ZMAT4: variants seen among roughly 807,000 people sequenced by gnomAD.
ZMAT4 encodes the protein zinc finger matrin-type 4.
Under a neutral mutation model 28.7 loss-of-function variants are expected in ZMAT4, and 17 were observed. The ratio of observed to expected loss-of-function variants is 0.59; its 90% confidence interval spans 0.41 to 0.89. ZMAT4 has a LOEUF of 0.89. Ranked by LOEUF, ZMAT4 falls within the 40% of genes least tolerant of loss-of-function variation. ZMAT4 has a pLI of 0.00. For missense variants in ZMAT4, 240 were observed against 283.8 expected (o/e 0.85, Z 1.11); for synonymous variants, 117 against 109.2 (o/e 1.07, Z -0.44).
intron 5 of ZMAT4, among the ~76,000 whole-genome samples, chr8:40,587,953 T>C (rs1401312710): frequency 2.2e-4 from 33 of 151,996 alleles, no homozygotes; most frequent in Admixed American, 2.2e-3. Flanking sequence ...GAAGTGTCTG[T>C]ATTAATATTA....
intron 5 of ZMAT4, among the ~76,000 whole-genome samples, chr8:40,592,827 A>G (rs888872756): frequency 6.6e-6 from 1 of 152,230 alleles, no homozygotes; most frequent in East Asian, 1.9e-4. Flanking sequence ...ACATTTGAGC[A>G]AATCATCTTC....
intron 3 of ZMAT4, among the ~76,000 whole-genome samples, chr8:40,758,462 G>A (rs750185655): frequency 6.6e-5 from 10 of 152,118 alleles, no homozygotes; most frequent in Non-Finnish European, 1.3e-4. Context: ...AACAATTCCT[G>A]TGTTGACGTA....
intron 6 of ZMAT4, among the ~76,000 whole-genome samples, chr8:40,535,385 C>T (rs1444794973): frequency 6.6e-6 from 1 of 151,982 alleles, no homozygotes; most frequent in Non-Finnish European, 1.5e-5. Flanking sequence ...AATGGTCTCA[C>T]CTTGGCCAGG....
intron 2 of ZMAT4, among the ~76,000 whole-genome samples, chr8:40,784,624 A>G (rs1813985660): frequency 6.6e-6 from 1 of 152,208 alleles, no homozygotes; most frequent in Non-Finnish European, 1.5e-5. Context: ...TTTGCAAATA[A>G]TAACAAACAT....
At position 40,877,359 on chromosome 8, in the gene ZMAT4, C is replaced by T. The variant is rs141924104; in HGVS notation, c.-5+20324G>A. On this transcript the variant is annotated intron_variant, in intron 1 of 6. Transcript: ENST00000297737. ...CACTAGTAACTAATACAATAGTTAA[C>T]GATCCTCTGTGTGGCTGTGAAGTCC... Among the ~76,000 whole-genome samples, 509 of 152,214 alleles carry T rather than the reference C, an allele frequency of 3.3e-3. 4 individuals carry two copies. The highest frequency in any genetic ancestry group is 3.8e-3 in the Non-Finnish European group (258 of 67,992).
intron 3 of ZMAT4, among the ~76,000 whole-genome samples, chr8:40,737,531 A>G (rs1811821331): frequency 6.6e-6 from 1 of 152,218 alleles, no homozygotes; most frequent in Admixed American, 6.5e-5. Flanking sequence ...AATTGTTGGT[A>G]TCATATGCTC....
intron 1 of ZMAT4, among the ~76,000 whole-genome samples, chr8:40,885,104 A>T (rs1314296708): frequency 2.0e-5 from 3 of 152,120 alleles, no homozygotes; most frequent in Non-Finnish European, 4.4e-5. Flanking sequence ...TGTCTAGCTT[A>T]GAGCTCGTCT....
In ZMAT4 at chr8:40,865,934, G is replaced by A. The variant is rs115227952; in HGVS notation, c.-5+31749C>T. Among the ~76,000 whole-genome samples, 998 of 152,276 alleles carry A rather than the reference G, an allele frequency of 6.6e-3. 15 individuals are homozygous for A. Among genetic ancestry groups the A allele is most frequent in the African/African-American group, 0.023 (964 of 41,556 alleles). On this transcript the variant is annotated intron_variant, in intron 1 of 6. Coordinates refer to ENST00000297737, the MANE Select transcript of ZMAT4 (RefSeq NM_024645.3). ...GCTGCTCAAAAGAAAAGAGAGCTAC[G>A]ATGCAAGCGACTGGATTCGACAAAG...
At chr8:40,727,750 T>C (rs1811370882) in intron 3 of ZMAT4, among the ~76,000 whole-genome samples, 1 of 152,202 alleles carries the variant, frequency 6.6e-6, no homozygotes, top group Non-Finnish European at 1.5e-5. Flanking sequence ...ATTTTAGACA[T>C]GAAATAATTT....
intron 5 of ZMAT4, among the ~76,000 whole-genome samples, chr8:40,598,878 G>T (rs1337478204): frequency 6.6e-6 from 1 of 152,134 alleles, no homozygotes; most frequent in Admixed American, 6.5e-5. Context: ...GGGTTTTCCT[G>T]ATCAGCCAGT....
At chr8:40,885,470 G>A (rs1191039430) in intron 1 of ZMAT4, among the ~76,000 whole-genome samples, 5 of 152,180 alleles carry the variant, frequency 3.3e-5, no homozygotes, top group African/African-American at 1.2e-4. Context: ...CCACTCCACT[G>A]TACTGTCAAC....
chr8:40,694,643 A>G (rs1397142749), intron 4 of ZMAT4, among the ~76,000 whole-genome samples: 2 of 151,842 alleles, frequency 1.3e-5, no homozygotes, highest in African/African-American at 4.8e-5. Context: ...TGCTGTTGGG[A>G]CTCAAAACAA....
chr8:40,862,318 G>C (rs1282449973), intron 1 of ZMAT4, among the ~76,000 whole-genome samples: 1 of 149,124 alleles, frequency 6.7e-6, no homozygotes, highest in Non-Finnish European at 1.5e-5. Flanking sequence ...ATTATCGCAA[G>C]GACAAAAAAC....
chr8:40,773,642 A>G (rs761836926), intron 2 of ZMAT4, among the ~76,000 whole-genome samples: 12 of 152,232 alleles, frequency 7.9e-5, no homozygotes, highest in Non-Finnish European at 1.5e-4. Context: ...TTAATTCAAG[A>G]AAATATCAAC....
At chr8:40,621,600 C>A (rs1806199814) in intron 5 of ZMAT4, among the ~76,000 whole-genome samples, 2 of 152,230 alleles carry the variant, frequency 1.3e-5, no homozygotes. Context: ...AGTAACAATA[C>A]TGACATGATT....
intron 3 of ZMAT4, among the ~76,000 whole-genome samples, chr8:40,750,036 T>C (rs767556066): frequency 2.0e-5 from 3 of 152,232 alleles, no homozygotes; most frequent in Non-Finnish European, 4.4e-5. Context: ...TAGAACTCAG[T>C]ACATCACTCC....
chr8:40,811,036 A>T (rs1192258075), intron 2 of ZMAT4, among the ~76,000 whole-genome samples: 1 of 152,240 alleles, frequency 6.6e-6, no homozygotes, highest in African/African-American at 2.4e-5. Flanking sequence ...TGATTGGCAG[A>T]TATGTAGAGA....
At chr8:40,628,080 A>G (rs1806440819) in intron 5 of ZMAT4, among the ~76,000 whole-genome samples, 1 of 152,200 alleles carries the variant, frequency 6.6e-6, no homozygotes, top group African/African-American at 2.4e-5. Context: ...GAGTTAAGGG[A>G]GGATTTTGTT....
intron 5 of ZMAT4, among the ~76,000 whole-genome samples, chr8:40,629,721 A>C (rs1301003681): frequency 1.3e-5 from 2 of 152,014 alleles, no homozygotes; most frequent in Non-Finnish European, 2.9e-5. Context: ...CCATGTCCCT[A>C]CAAAGGACAT....
Sources: allele counts gnomAD v4.1 joint callset (sites outside exome capture counted in the v4.1 genomes callset), GRCh38; gene constraint gnomAD v4.1.1; transcripts MANE v1.5; gene names NCBI Gene and HGNC (gene_info 2026-07-23, HGNC 2026-07-21).